The following TTC7B variants were observed in gnomAD, a reference collection of about 807,000 sequenced individuals.
TTC7B encodes tetratricopeptide repeat protein 7B.
TTC7B carries 28 observed loss-of-function variants against 106.8 expected under a neutral mutation model. The observed-to-expected ratio is 0.26, with a 90% CI of 0.19 to 0.36. TTC7B has a LOEUF of 0.36. Among genes scored for constraint, TTC7B ranks in the 10% least tolerant of loss-of-function variants. The probability of loss-of-function intolerance (pLI) is 1.00; values close to 1 mark genes in which losing one functional copy is unlikely to be tolerated. For synonymous variants in TTC7B, 405 were observed against 430.6 expected (o/e 0.94, Z 0.74); for missense variants, 862 against 1,076.4 (o/e 0.80, Z 2.79).
At chr14:90,650,052 G>A (rs1377606919) in intron 13 of TTC7B, among the ~76,000 whole-genome samples, 1 of 152,136 alleles carries the variant, frequency 6.6e-6, no homozygotes, top group Non-Finnish European at 1.5e-5. Flanking sequence ...AGGATGTTGT[G>A]GCATCTAACC....
intron 7 of TTC7B, among the ~76,000 whole-genome samples, chr14:90,681,906 T>G (rs1887066445): frequency 6.6e-6 from 1 of 152,184 alleles, no homozygotes; most frequent in South Asian, 2.1e-4. Context: ...TGTGTGTGCA[T>G]GTACATGCAC....
chr14:90,731,456 T>C (rs1174097192), intron 4 of TTC7B, among the ~76,000 whole-genome samples: 1 of 152,192 alleles, frequency 6.6e-6, no homozygotes, highest in Admixed American at 6.5e-5. Flanking sequence ...GAAGTAATTA[T>C]TAGTTCCCTA....
rs1566759159 is a variant in TTC7B, at chr14:90,541,397, G to T, written c.2503C>A (p.Pro835Thr). 5.0e-6 allele frequency: 8 copies of T among 1,607,414 alleles called. No homozygotes were observed. The highest frequency in any genetic ancestry group is 6.8e-6 in the Non-Finnish European group (8 of 1,176,776). Residue 835 changes from proline (P) to threonine (T), a missense_variant, in exon 20 of 20, where the codon CCC becomes ACC. By Grantham distance (38) the Pro-to-Thr change is conservative. Transcript: ENST00000328459. ...AGCACGCGGGGGATGATGGTGAAGG[G>T]CACGGCGGGGCTGCTGGCCTCCAGC... Reference protein sequence around the residue: ...LELEASSPAVPFTIIPRVL With the variant: ...LELEASSPAVTFTIIPRVL
chr14:90,811,849 G>A (rs965543753), intron 1 of TTC7B, among the ~76,000 whole-genome samples: 5 of 152,222 alleles, frequency 3.3e-5, no homozygotes, highest in Non-Finnish European at 7.3e-5. Context: ...TGGGGAAGGC[G>A]GGAAGCCACA....
In TTC7B at chr14:90,556,758, T is replaced by C. The variant is rs541530525; in HGVS notation, c.2311-15169A>G. ...GAAGGTGGCACTGTGCCCCAGGCCA[T>C]GTGCGCCAGGCCAGGGAGATGCAGG... On this transcript the variant is annotated intron_variant, in intron 19 of 19. Coordinates refer to ENST00000328459, the MANE Select transcript of TTC7B (RefSeq NM_001010854.2). 3.7e-4 allele frequency among the ~76,000 whole-genome samples: 56 copies of C among 152,214 alleles called. No homozygotes were observed. In the South Asian group the frequency reaches 3.7e-3, roughly 10 times the overall value.
At position 90,539,856 on chromosome 14, in the gene TTC7B, C is replaced by T. The variant is rs572913552; in HGVS notation, c.*1512G>A. The T allele has an allele frequency of 6.6e-6, 1 of 152,384 alleles. No homozygotes were observed. The highest frequency in any genetic ancestry group is 1.5e-5 in the Non-Finnish European group (1 of 68,076). The allele number at this position is 152,384 out of a possible 1,614,324, so 9.4% of individuals were successfully genotyped here. ...GAGGGCTGCTGCAGTTCCAGCCTCA[C>T]TTCTCAGCTTGAAAGGCAGCAGGAA... On this transcript the variant is annotated 3_prime_UTR_variant, in exon 20 of 20. Coordinates refer to ENST00000328459, the MANE Select transcript of TTC7B (RefSeq NM_001010854.2).
chr14:90,555,584 G>A (rs1319240891), intron 19 of TTC7B, among the ~76,000 whole-genome samples: 1 of 152,216 alleles, frequency 6.6e-6, no homozygotes, highest in African/African-American at 2.4e-5. Context: ...CCTGCAACCT[G>A]CACCAGCGCC....
rs1174096393 is a variant in TTC7B at position 90,575,191 on chromosome 14, G to C, written c.2310+2915C>G. On this transcript the variant is annotated intron_variant, in intron 19 of 19. Transcript: ENST00000328459. The surrounding 1 kb of genome is among the most constrained non-coding windows in gnomAD (Gnocchi z 5.2). The stretch of plus-strand genomic sequence containing the variant: ...TGCAAACCAATCCACCTTCCGTGAG[G>C]GTAGAGACAGAACCTTTTGTGACTT... Among the ~76,000 whole-genome samples the C allele has an allele frequency of 6.6e-6, 1 of 152,218 alleles. No individual in the cohort carries two copies. Among genetic ancestry groups the C allele is most frequent in the Non-Finnish European group, 1.5e-5 (1 of 68,042 alleles).
At chr14:90,761,029 A>C (rs1361037178) in intron 3 of TTC7B, among the ~76,000 whole-genome samples, 1 of 152,234 alleles carries the variant, frequency 6.6e-6, no homozygotes, top group African/African-American at 2.4e-5. Context: ...AAATTATGAC[A>C]GTGAAAGAAA....
chr14:90,754,276 C>G (rs962260683), intron 3 of TTC7B, among the ~76,000 whole-genome samples: 1 of 152,192 alleles, frequency 6.6e-6, no homozygotes, highest in African/African-American at 2.4e-5. Context: ...TTCTCAGCCT[C>G]TACCTCACAC....
At chr14:90,800,529 C>T (rs988557761) in intron 1 of TTC7B, among the ~76,000 whole-genome samples, 8 of 151,886 alleles carry the variant, frequency 5.3e-5, no homozygotes, top group African/African-American at 9.7e-5. Context: ...GGTCAGAGTC[C>T]GGCCAGGCGA....
Position 90,543,339 on chromosome 14 carries a change from G to A in TTC7B, c.2311-1750C>T, listed in dbSNP as rs552077115. Among the ~76,000 whole-genome samples the A allele has an allele frequency of 1.4e-4, 21 of 152,232 alleles. No homozygotes were observed. In the East Asian group the frequency reaches 3.9e-3, roughly 28 times the overall value. On this transcript the variant is annotated intron_variant, in intron 19 of 19. Coordinates refer to ENST00000328459, the MANE Select transcript of TTC7B (RefSeq NM_001010854.2). ...GTTGACTACTTTATCTTGGCAGAGT[G>A]ATGGATTCCTCCTACTTTGCTAGAC... is the stretch of plus-strand genomic sequence containing the variant.
intron 18 of TTC7B, among the ~76,000 whole-genome samples, chr14:90,589,927 G>A (rs1891884402): frequency 6.6e-6 from 1 of 152,284 alleles, no homozygotes; most frequent in East Asian, 1.9e-4. Context: ...CCATACAGTA[G>A]ACATACTCTG....
At chr14:90,612,856 T>G (rs904392087) in intron 16 of TTC7B, among the ~76,000 whole-genome samples, 4 of 152,116 alleles carry the variant, frequency 2.6e-5, no homozygotes, top group African/African-American at 2.4e-5. Context: ...AGGCTTCTGG[T>G]GCAATTGTAG....
chr14:90,682,721 C>T (rs755837678), intron 7 of TTC7B, among the ~76,000 whole-genome samples: 5 of 151,938 alleles, frequency 3.3e-5, no homozygotes, highest in South Asian at 2.1e-4. Flanking sequence ...AGGTGGGGGA[C>T]GAAAGGGGAC....
At position 90,742,277 on chromosome 14, in the gene TTC7B, CT is replaced by C. The variant is rs1322116377; in HGVS notation, c.576+2514del. On this transcript the variant is annotated intron_variant, in intron 4 of 19. Transcript: ENST00000328459. This position sits in a 1 kb window ranked among gnomAD's most constrained non-coding sequence, Gnocchi z 4.1. ...TTTCTTTTTTTTCTTTTGTTTCTCT[CT>C]CTCTCCTTCCCTCCCTTCCTCCCTC... Among the ~76,000 whole-genome samples the C allele has an allele frequency of 6.6e-6, 1 of 151,412 alleles. No individual in the cohort carries two copies. The highest frequency in any genetic ancestry group is 1.9e-4 in the East Asian group (1 of 5,166).
At chr14:90,642,043 G>A (rs1020068604) in intron 15 of TTC7B, among the ~76,000 whole-genome samples, 5 of 152,082 alleles carry the variant, frequency 3.3e-5, no homozygotes, top group African/African-American at 4.8e-5. Flanking sequence ...GTACTTTACC[G>A]ATGGTTAAAG....
chr14:90,685,694 A>G (rs562134475), intron 7 of TTC7B, among the ~76,000 whole-genome samples: 129 of 152,340 alleles, frequency 8.5e-4, no homozygotes, highest in African/African-American at 3.0e-3. Context: ...CAAAAAAATT[A>G]TAAAGGAATG....
rs866477704 is a variant in TTC7B at position 90,800,652 on chromosome 14, A to G, written c.122-14324T>C. Among the ~76,000 whole-genome samples the G allele has an allele frequency of 2.0e-4, 30 of 152,172 alleles. 2 individuals carry two copies. In the Middle Eastern group the frequency reaches 0.017, roughly 86 times the overall value. ...CAGTGAAACCCTGTCTCTACTAAAA[A>G]TACAAAAAATTAGCCGGGCACAGTG... On this transcript the variant is annotated intron_variant, in intron 1 of 19. Transcript: ENST00000328459.
Sources: gnomAD v4.1 joint callset for allele counts (sites outside exome capture counted in the v4.1 genomes callset) on GRCh38, gnomAD v4.1.1 for gene constraint, Gnocchi (gnomAD v3.1) non-coding constraint, MANE v1.5 for transcripts, NCBI Gene and HGNC (gene_info 2026-07-23, HGNC 2026-07-21) for gene names.